Variants in TNIK observed in about 807,000 individuals in gnomAD.
TNIK encodes TRAF2 and NCK-interacting protein kinase.
A neutral mutation model predicts 191.3 loss-of-function variants in TNIK; 49 were observed. The observed-to-expected ratio is 0.26, with a 90% CI of 0.20 to 0.32. TNIK has a LOEUF of 0.32. Among genes scored for constraint, TNIK ranks in the 10% least tolerant of loss-of-function variants. TNIK has a pLI of 1.00. For synonymous variants in TNIK, 594 were observed against 600.9 expected (o/e 0.99, Z 0.17); for missense variants, 1,155 against 1,702.3 (o/e 0.68, Z 5.66).
chr3:171,256,047 A>G (rs964249571), intron 2 of TNIK, among the ~76,000 whole-genome samples: 1 of 152,090 alleles, frequency 6.6e-6, no homozygotes, highest in African/African-American at 2.4e-5. Context: ...TAAGACGACC[A>G]TTTACTACTT....
chr3:171,364,652 G>A (rs1715444681), intron 2 of TNIK, among the ~76,000 whole-genome samples: 1 of 152,178 alleles, frequency 6.6e-6, no homozygotes, highest in South Asian at 2.1e-4. Flanking sequence ...AAACAAGGAA[G>A]TAAGATAATT....
chr3:171,155,890 C>A (rs528117268), intron 12 of TNIK, among the ~76,000 whole-genome samples: 1 of 152,202 alleles, frequency 6.6e-6, no homozygotes, highest in Admixed American at 6.5e-5. Context: ...GCAGGCCAAT[C>A]CCCTGGATCT....
intron 12 of TNIK, among the ~76,000 whole-genome samples, chr3:171,151,179 G>C (rs894236123): frequency 3.9e-5 from 6 of 152,194 alleles, no homozygotes; most frequent in Non-Finnish European, 8.8e-5. Flanking sequence ...AGACCACACA[G>C]CTAAGATTAA....
At chr3:171,357,782 G>A (rs765745498) in intron 2 of TNIK, among the ~76,000 whole-genome samples, 1 of 152,128 alleles carries the variant, frequency 6.6e-6, no homozygotes, top group African/African-American at 2.4e-5. Context: ...GCCAACAGGG[G>A]GTGAGGAAGG....
intron 1 of TNIK, among the ~76,000 whole-genome samples, chr3:171,403,352 C>T (rs1229968275): frequency 2.6e-5 from 4 of 151,992 alleles, no homozygotes; most frequent in Non-Finnish European, 4.4e-5. Context: ...CGGTGGCTCA[C>T]GCCTGTAATC....
At chr3:171,215,694 T>C (rs937865632) in intron 3 of TNIK, among the ~76,000 whole-genome samples, 2 of 152,046 alleles carry the variant, frequency 1.3e-5, no homozygotes, top group African/African-American at 4.8e-5. Context: ...TAGCATACAA[T>C]AATATTTGCT....
chr3:171,152,917 G>A lies in TNIK; in HGVS notation c.1221+4543C>T, dbSNP rs1348187552. 9.2e-5 allele frequency among the ~76,000 whole-genome samples: 14 copies of A among 151,848 alleles called. No individual in the cohort carries two copies. In the East Asian group the frequency reaches 1.4e-3, roughly 15 times the overall value. On this transcript the variant is annotated intron_variant, in intron 12 of 32. Coordinates refer to ENST00000436636, the MANE Select transcript of TNIK (RefSeq NM_015028.4). ...TTCCCGAGTAGCTGGGACTACAGGC[G>A]CCTGCCACCACACCCGGCTATTTTT...
chr3:171,366,937 AC>A lies in TNIK; in HGVS notation c.123+2682del, dbSNP rs902040166. Among the ~76,000 whole-genome samples, 5 of 152,164 alleles carry A rather than the reference AC, an allele frequency of 3.3e-5. No homozygotes were observed. Among genetic ancestry groups the A allele is most frequent in the African/African-American group, 9.7e-5 (4 of 41,438 alleles). Reference sequence around the variant, plus strand: ...CTGGGCACTGATTCTCTCTCCTGCCACCCTGTGAAGAGGTGGCTTCTGCCAT... The same window carrying A: ...CTGGGCACTGATTCTCTCTCCTGCCACCTGTGAAGAGGTGGCTTCTGCCAT... On this transcript the variant is annotated intron_variant, in intron 2 of 32. Transcript: ENST00000436636. This position sits in a 1 kb window ranked among gnomAD's most constrained non-coding sequence, Gnocchi z 4.1.
intron 9 of TNIK, among the ~76,000 whole-genome samples, chr3:171,173,854 C>T (rs371844147): frequency 5.3e-5 from 8 of 152,118 alleles, no homozygotes; most frequent in Admixed American, 3.3e-4. Flanking sequence ...TTTGTAGTGT[C>T]ACTGTCACTT....
chr3:171,382,594 T>TGGGGCCAC (rs1326390877), intron 1 of TNIK, among the ~76,000 whole-genome samples: 1 of 152,186 alleles, frequency 6.6e-6, no homozygotes, highest in African/African-American at 2.4e-5. Context: ...TGAAGCTGGC[T>TGGGGCCAC]GGGGCCACAT....
chr3:171,157,907 C>T (rs1733439772), intron 11 of TNIK, among the ~76,000 whole-genome samples: 1 of 152,216 alleles, frequency 6.6e-6, no homozygotes, highest in African/African-American at 2.4e-5. Context: ...AGAGGGATGT[C>T]ACATTCTCAG....
In TNIK at chr3:171,280,651, T is replaced by TA. The variant is rs5854412; in HGVS notation, c.124-52431dup. On this transcript the variant is annotated intron_variant, in intron 2 of 32. Transcript: ENST00000436636. ...TATGAAGTCTAAACTGTCTCTAAAT[T>TA]AAAAAAAAAAAAAACTGTATCCAAA... is the stretch of plus-strand genomic sequence containing the variant. Among the ~76,000 whole-genome samples the TA allele has an allele frequency of 5.0e-3, 717 of 144,094 alleles. 4 individuals are homozygous for TA. The highest frequency in any genetic ancestry group is 0.029 in the East Asian group (139 of 4,846). The allele number at this position is 144,094 out of a possible 152,430, so 94.5% of individuals were successfully genotyped here. A position where few individuals can be genotyped will look rare whatever the true frequency, so the allele number is the denominator to read the frequency against.
intron 4 of TNIK, among the ~76,000 whole-genome samples, chr3:171,201,868 T>C (rs2108873356): frequency 6.6e-6 from 1 of 152,328 alleles, no homozygotes; most frequent in South Asian, 2.1e-4. Flanking sequence ...AGAGAATGCT[T>C]GAACTATAAA....
intron 2 of TNIK, among the ~76,000 whole-genome samples, chr3:171,228,762 T>C (rs148045606): frequency 0.011 from 1,617 of 152,284 alleles, 28 homozygotes; most frequent in African/African-American, 0.037. Context: ...GTGTTGAACA[T>C]TAGGAACTGC....
At chr3:171,347,147 AGAT>A (rs1712337380) in intron 2 of TNIK, 5 of 1,523,908 alleles carry the variant, frequency 3.3e-6, no homozygotes, top group African/African-American at 1.4e-5. Flanking sequence ...GAAATTCAGG[AGAT>A]GATGTCATGG....
intron 2 of TNIK, among the ~76,000 whole-genome samples, chr3:171,259,099 A>G (rs1184829434): frequency 6.7e-6 from 1 of 149,628 alleles, no homozygotes; most frequent in African/African-American, 2.4e-5. Context: ...GTTTTATATA[A>G]GAGAGAGAGA....
intron 2 of TNIK, among the ~76,000 whole-genome samples, chr3:171,252,069 T>C (rs1002465568): frequency 1.3e-5 from 2 of 152,012 alleles, no homozygotes; most frequent in African/African-American, 2.4e-5. Flanking sequence ...TATGCGTGTG[T>C]GTGTGTGTGT....
At chr3:171,070,104 G>T (rs1718993257) in intron 29 of TNIK, among the ~76,000 whole-genome samples, 1 of 152,238 alleles carries the variant, frequency 6.6e-6, no homozygotes, top group Admixed American at 6.5e-5. Context: ...TGTGGAGATA[G>T]ATTTTGGCAG....
chr3:171,259,267 AC>A (rs1477577916), intron 2 of TNIK, among the ~76,000 whole-genome samples: 1 of 152,176 alleles, frequency 6.6e-6, no homozygotes, highest in Non-Finnish European at 1.5e-5. Context: ...TTTAAACATA[AC>A]CTTTAACCAG....
Sources: gnomAD v4.1 joint callset for allele counts (sites outside exome capture counted in the v4.1 genomes callset) on GRCh38, gnomAD v4.1.1 for gene constraint, Gnocchi (gnomAD v3.1) non-coding constraint, MANE v1.5 for transcripts, NCBI Gene and HGNC (gene_info 2026-07-23, HGNC 2026-07-21) for gene names.